IRF6: variants seen among roughly 807,000 people sequenced by gnomAD.
IRF6 encodes the protein Van der Woude syndrome.
Under a neutral mutation model 51.4 loss-of-function variants are expected in IRF6, and 6 were observed. The ratio of observed to expected loss-of-function variants is 0.12; its 90% CI spans 0.06 to 0.23. IRF6 has a LOEUF of 0.23. IRF6 is among the 10% of genes least tolerant of loss of function. The probability of loss-of-function intolerance (pLI) is 1.00; values close to 1 mark genes in which losing one functional copy is unlikely to be tolerated. For missense variants in IRF6, 348 were observed against 585.2 expected, an observed-to-expected ratio of 0.59 and a Z score of 4.18; for synonymous variants, 178 against 215.7, an observed-to-expected ratio of 0.83 and a Z score of 1.53.
At chr1:209,792,494 A>G (rs1407739155) in intron 5 of IRF6, 67 bp from the exon 6 acceptor site, 1 of 1,546,376 alleles carries the variant, frequency 6.5e-7, no homozygotes, top group Non-Finnish European at 8.8e-7. Flanking sequence ...TGATGCTCTG[A>G]GAACTCACAA....
At chr1:209,789,074 C>T (rs614662) in intron 8 of IRF6, among the ~76,000 whole-genome samples, 87,265 of 152,032 alleles carry the variant, frequency 0.57, 25,621 homozygotes, top group Middle Eastern at 0.64. Context: ...ACCCATAATC[C>T]CAGCATTTTG....
intron 5 of IRF6, among the ~76,000 whole-genome samples, chr1:209,793,816 T>G (rs767218984): frequency 2.6e-5 from 4 of 152,168 alleles, no homozygotes; most frequent in Non-Finnish European, 4.4e-5. Context: ...TGGGAACACG[T>G]AGTATTTGGT....
At position 209,796,987 on chromosome 1, in the gene IRF6, C is replaced by G. The variant is rs761983637; in HGVS notation, c.175-435G>C. The stretch of plus-strand genomic sequence containing the variant: ...TCATTTTTGACATGAGTTGCTTATA[C>G]GACAATAGGTAAGACAAAGAGGGAT... On this transcript the variant is annotated intron_variant, in intron 3 of 8. Transcript: ENST00000367021. This position sits in a 1 kb window ranked among gnomAD's most constrained non-coding sequence, Gnocchi z 4.5. 6.6e-6 allele frequency among the ~76,000 whole-genome samples: 1 copy of G among 152,082 alleles called. No individual in the cohort carries two copies. Among genetic ancestry groups the G allele is most frequent in the East Asian group, 1.9e-4 (1 of 5,184 alleles).
chr1:209,795,098 C>A (rs897070713), intron 5 of IRF6, among the ~76,000 whole-genome samples, 192 bp downstream of exon 5: 1 of 152,148 alleles, frequency 6.6e-6, no homozygotes, highest in African/African-American at 2.4e-5. Flanking sequence ...TGGAACCCAC[C>A]CAACTCTACT....
chr1:209,791,398 C>T (rs1315630843), intron 6 of IRF6, among the ~76,000 whole-genome samples: 1 of 152,184 alleles, frequency 6.6e-6, no homozygotes, highest in Admixed American at 6.5e-5. Flanking sequence ...TTAATTTTTA[C>T]TCAGCAAATC....
intron 3 of IRF6, 98 bp downstream of exon 3, chr1:209,801,142 T>C (rs1571986121): frequency 2.1e-5 from 23 of 1,092,626 alleles, no homozygotes; most frequent in Non-Finnish European, 3.0e-5. Flanking sequence ...AAGCATTCTC[T>C]CTGTTTCACC....
chr1:209,788,373 T>C lies in IRF6; in HGVS notation c.*47A>G. 1 of 1,236,802 alleles carries C rather than the reference T, an allele frequency of 8.1e-7. No individual in the cohort carries two copies. Among genetic ancestry groups the C allele is most frequent in the Non-Finnish European group, 1.2e-6 (1 of 843,550 alleles). 76.6% of individuals were successfully genotyped at this position (1,236,802 alleles called of 1,614,324 possible). ...TAAATCTAAACAATAAAAAAATCCA[T>C]ATGTACAATATTATAAAAAAGAGAA... On this transcript the variant is annotated 3_prime_UTR_variant, in exon 9 of 9. Coordinates refer to ENST00000367021, the MANE Select transcript of IRF6 (RefSeq NM_006147.4).
At chr1:209,804,824 G>A (rs577331462) in intron 1 of IRF6, among the ~76,000 whole-genome samples, 72 of 152,256 alleles carry the variant, frequency 4.7e-4, no homozygotes, top group Non-Finnish European at 8.5e-4. Flanking sequence ...CCACACAAAA[G>A]CCGAGATTTG....
In IRF6 at chr1:209,786,925, C is replaced by T. The variant is rs1434527764; in HGVS notation, c.*1495G>A. 3 of 152,186 alleles carry T rather than the reference C, an allele frequency of 2.0e-5. No individual in the cohort carries two copies. Among genetic ancestry groups the T allele is most frequent in the Admixed American group, 6.5e-5 (1 of 15,274 alleles). The allele number at this position is 152,186 out of a possible 1,614,324, so 9.4% of individuals were successfully genotyped here. A position where few individuals can be genotyped will look rare whatever the true frequency, so the allele number is the denominator to read the frequency against. ...CTATGTCCCGACACAGACAGATAGG[C>T]ATCACTATTCAAGAGGACTGGGGCT... is the stretch of plus-strand genomic sequence containing the variant. On this transcript the variant is annotated 3_prime_UTR_variant, in exon 9 of 9. Transcript: ENST00000367021.
chr1:209,790,763 C>T lies in IRF6; in HGVS notation c.792G>A (p.Glu264=). Residue 264 remains glutamate (E), a synonymous_variant, in exon 7 of 9, where the codon GAG becomes GAA. Coordinates refer to ENST00000367021, the MANE Select transcript of IRF6 (RefSeq NM_006147.4). The surrounding 1 kb of genome is among the most constrained non-coding windows in gnomAD (Gnocchi z 4.8). Reference sequence around the variant, plus strand: ...GCTCCAGGCTGACGGGACCAAAGAGCTCCTCCTGGTCAGGCATGGGACCCA... The same window carrying T: ...GCTCCAGGCTGACGGGACCAAAGAGTTCCTCCTGGTCAGGCATGGGACCCA... ...GDLGPMPDQE[E]LFGPVSLEQV... The T allele has an allele frequency of 1.2e-6, 2 of 1,614,210 alleles. No homozygotes were observed. Among genetic ancestry groups the T allele is most frequent in the Non-Finnish European group, 8.5e-7 (1 of 1,180,042 alleles).
chr1:209,795,102 C>T (rs1372634494), intron 5 of IRF6, among the ~76,000 whole-genome samples, 188 bp downstream of exon 5: 1 of 152,240 alleles, frequency 6.6e-6, no homozygotes, highest in Non-Finnish European at 1.5e-5. Flanking sequence ...ACCCACCCAA[C>T]TCTACTGGGA....
At chr1:209,801,182 C>G in intron 3 of IRF6, 58 bp downstream of exon 3, 4 of 1,032,172 alleles carry the variant, frequency 3.9e-6, no homozygotes, top group South Asian at 2.9e-5. Flanking sequence ...ATTCCCCATG[C>G]CAAAAAAAAA....
intron 2 of IRF6, 95 bp from the exon 3 acceptor site, chr1:209,801,511 A>G: frequency 1.0e-6 from 1 of 978,948 alleles, no homozygotes; most frequent in South Asian, 1.6e-5. Flanking sequence ...CTAGAGCTAC[A>G]GTTTCACTAG....
At chr1:209,801,183 CAAAAA>C (rs35878470) in intron 3 of IRF6, 52 bp downstream of exon 3, 888 of 1,042,642 alleles carry the variant, frequency 8.5e-4, no homozygotes, top group South Asian at 1.6e-3. Flanking sequence ...TTCCCCATGC[CAAAAA>C]AAAAAAAAAA....
In IRF6 at chr1:209,799,228, G is replaced by A. The variant is rs1422492439; in HGVS notation, c.174+2012C>T. ...GCTCAGGGCTACACATGCAGTTGAC[G>A]GTAGTAGAATTTGAGGCCAGGTCTT... On this transcript the variant is annotated intron_variant, in intron 3 of 8. Coordinates refer to ENST00000367021, the MANE Select transcript of IRF6 (RefSeq NM_006147.4). Among the ~76,000 whole-genome samples the A allele has an allele frequency of 3.9e-5, 6 of 152,230 alleles. No homozygotes were observed. The South Asian group carries it at 6.2e-4, about 16-fold the overall frequency.
intron 3 of IRF6, among the ~76,000 whole-genome samples, chr1:209,798,381 C>T (rs550370905): frequency 1.4e-4 from 21 of 152,328 alleles, no homozygotes; most frequent in African/African-American, 4.3e-4. Context: ...TGTGTGCCCA[C>T]GCTAACTCTG....
rs748458723 is a variant in IRF6 at position 209,796,318 on chromosome 1, C to T, written c.379+30G>A. On this transcript the variant is annotated intron_variant, in intron 4 of 8. Transcript: ENST00000367021. The surrounding 1 kb of genome is among the most constrained non-coding windows in gnomAD (Gnocchi z 4.5). ...TGCAGCCCAGAATCTGGCATGCTGC[C>T]CACCTTCTCCCCAGCACCTGGGGCC... 2 of 1,597,074 alleles carry T rather than the reference C, an allele frequency of 1.3e-6. No homozygotes were observed. The highest frequency in any genetic ancestry group is 1.7e-6 in the Non-Finnish European group (2 of 1,165,344).
rs1183900517 is a variant in IRF6, at chr1:209,790,094, C to G, written c.1061-309G>C. Among the ~76,000 whole-genome samples, 2 of 152,192 alleles carry G rather than the reference C, an allele frequency of 1.3e-5. No homozygotes were observed. Among genetic ancestry groups the G allele is most frequent in the African/African-American group, 2.4e-5 (1 of 41,442 alleles). ...TAAAAAATTGACATCACGGTGCTTTCCCTAAAACTGCCTGCTTGAATTCAC... is the reference window on the plus strand; with the variant it reads ...TAAAAAATTGACATCACGGTGCTTTGCCTAAAACTGCCTGCTTGAATTCAC... On this transcript the variant is annotated intron_variant, in intron 7 of 8. Transcript: ENST00000367021. This position sits in a 1 kb window ranked among gnomAD's most constrained non-coding sequence, Gnocchi z 4.8.
At chr1:209,797,717 A>G (rs140644054) in intron 3 of IRF6, among the ~76,000 whole-genome samples, 6 of 152,330 alleles carry the variant, frequency 3.9e-5, no homozygotes, top group African/African-American at 1.4e-4. Flanking sequence ...GGTGCTCAGG[A>G]GCAAAGCAGG....
Sources: gnomAD v4.1 joint callset for allele counts (sites outside exome capture counted in the v4.1 genomes callset) on GRCh38, gnomAD v4.1.1 for gene constraint, Gnocchi (gnomAD v3.1) non-coding constraint, MANE v1.5 for transcripts, NCBI Gene and HGNC (gene_info 2026-07-23, HGNC 2026-07-21) for gene names.